Variants in TRPC4 observed in about 807,000 individuals in gnomAD.
TRPC4 encodes the protein short transient receptor potential channel 4.
Under a neutral mutation model 99.4 loss-of-function variants are expected in TRPC4, and 49 were observed. The observed-to-expected ratio is 0.49, with a 90% CI of 0.39 to 0.63. TRPC4 has a LOEUF of 0.63. TRPC4 is among the 20% of genes least tolerant of loss of function. TRPC4 has a pLI of 0.00. For synonymous variants in TRPC4, 454 were observed against 425.9 expected, an observed-to-expected ratio of 1.07 and a Z score of -0.81; for missense variants, 898 against 1,152.9, an observed-to-expected ratio of 0.78 and a Z score of 3.20.
At chr13:37,773,370 C>A (rs1341314994) in intron 2 of TRPC4, among the ~76,000 whole-genome samples, 1 of 151,768 alleles carries the variant, frequency 6.6e-6, no homozygotes, top group Non-Finnish European at 1.5e-5. Flanking sequence ...AGGAATCTAC[C>A]AAATAAATGT....
Position 37,862,195 on chromosome 13 carries a change from G to A in TRPC4, c.-28+7400C>T, listed in dbSNP as rs967424407. Among the ~76,000 whole-genome samples, 6 of 151,326 alleles carry A rather than the reference G, an allele frequency of 4.0e-5. No individual in the cohort carries two copies. In the East Asian group the frequency reaches 5.8e-4, roughly 15 times the overall value. On this transcript the variant is annotated intron_variant, in intron 1 of 10. Transcript: ENST00000379705. ...CTACTGTCTCTAGAGAAAGGGGTAG[G>A]GTGGTGAGAATCCAGGTCATTATAT...
At chr13:37,774,541 G>A (rs1160534737) in intron 2 of TRPC4, among the ~76,000 whole-genome samples, 1 of 151,638 alleles carries the variant, frequency 6.6e-6, no homozygotes, top group Admixed American at 6.6e-5. Context: ...TACAAGTGGA[G>A]ATAATTACAT....
At chr13:37,756,309 T>C (rs1435908019) in intron 2 of TRPC4, among the ~76,000 whole-genome samples, 1 of 152,106 alleles carries the variant, frequency 6.6e-6, no homozygotes, top group Non-Finnish European at 1.5e-5. Context: ...TACAATCTTA[T>C]CTAAACAAAC....
chr13:37,828,345 C>A (rs543754184), intron 1 of TRPC4, among the ~76,000 whole-genome samples: 2 of 152,110 alleles, frequency 1.3e-5, no homozygotes, highest in Admixed American at 6.5e-5. Context: ...CAGATGCTGG[C>A]GAGGTTGTGG....
At chr13:37,701,540 C>T (rs933899714) in intron 3 of TRPC4, among the ~76,000 whole-genome samples, 5 of 152,078 alleles carry the variant, frequency 3.3e-5, no homozygotes, top group East Asian at 1.9e-4. Context: ...ACTTGCCACA[C>T]GTGCAAGTGT....
intron 3 of TRPC4, among the ~76,000 whole-genome samples, chr13:37,720,990 A>T (rs567249305): frequency 9.8e-5 from 15 of 152,334 alleles, no homozygotes; most frequent in Middle Eastern, 3.4e-3. Flanking sequence ...TACTTGGAAG[A>T]ATTTGAAGAA....
At chr13:37,779,723 C>G (rs1333374) in intron 2 of TRPC4, among the ~76,000 whole-genome samples, 78,987 of 151,738 alleles carry the variant, frequency 0.52, 21,087 homozygotes, top group East Asian at 0.78. Context: ...TCCAACATTT[C>G]TAACTAACTC....
intron 1 of TRPC4, among the ~76,000 whole-genome samples, chr13:37,840,840 C>T (rs1824080189): frequency 6.6e-6 from 1 of 151,980 alleles, no homozygotes; most frequent in African/African-American, 2.4e-5. Flanking sequence ...AATTTTATTA[C>T]ACTAAAATAA....
chr13:37,693,173 T>G (rs1213503620), intron 3 of TRPC4, among the ~76,000 whole-genome samples: 1 of 152,212 alleles, frequency 6.6e-6, no homozygotes, highest in Non-Finnish European at 1.5e-5. Flanking sequence ...TCAGATTTTT[T>G]TTCTCAACCT....
chr13:37,779,505 A>C (rs1002431063), intron 2 of TRPC4, among the ~76,000 whole-genome samples: 1 of 151,938 alleles, frequency 6.6e-6, no homozygotes, highest in African/African-American at 2.4e-5. Flanking sequence ...AATGATCTAT[A>C]CCCATCTATT....
intron 1 of TRPC4, among the ~76,000 whole-genome samples, chr13:37,848,698 G>A (rs9548078): frequency 0.18 from 28,046 of 151,986 alleles, 2,698 homozygotes; most frequent in Middle Eastern, 0.2. Flanking sequence ...TTATTATCAA[G>A]AACAACTTCA....
intron 3 of TRPC4, among the ~76,000 whole-genome samples, chr13:37,735,010 C>A (rs571818019): frequency 1.2e-4 from 19 of 152,206 alleles, no homozygotes; most frequent in African/African-American, 3.4e-4. Flanking sequence ...ATCGCTTTCC[C>A]TGTTCTATGC....
intron 1 of TRPC4, among the ~76,000 whole-genome samples, chr13:37,802,098 C>T (rs1169860622): frequency 6.6e-6 from 1 of 152,122 alleles, no homozygotes; most frequent in Non-Finnish European, 1.5e-5. Context: ...AATACTTTCA[C>T]TGTTTTCTTT....
chr13:37,782,834 GAAGCTTATATTTCTT>G, intron 2 of TRPC4, 107 bp downstream of exon 2: 1 of 981,082 alleles, frequency 1.0e-6, no homozygotes, highest in African/African-American at 1.7e-5. Flanking sequence ...TTCAGATTTT[GAAGCTTATATTTCTT>G]AAATTTTCAG....
chr13:37,852,439 G>A (rs1429242706), intron 1 of TRPC4, among the ~76,000 whole-genome samples: 2 of 152,152 alleles, frequency 1.3e-5, no homozygotes, highest in African/African-American at 4.8e-5. Flanking sequence ...TGTCTAAAGA[G>A]CTCTTGGGCA....
At chr13:37,749,551 G>T (rs970710541) in intron 2 of TRPC4, among the ~76,000 whole-genome samples, 1 of 151,972 alleles carries the variant, frequency 6.6e-6, no homozygotes, top group African/African-American at 2.4e-5. Flanking sequence ...GACAGGTTTG[G>T]GTCCTCTCCG....
chr13:37,770,111 AT>A (rs1296228332), intron 2 of TRPC4, among the ~76,000 whole-genome samples: 1 of 151,412 alleles, frequency 6.6e-6, no homozygotes, highest in African/African-American at 2.4e-5. Flanking sequence ...TTTTATTTAT[AT>A]TTTTTCCTGT....
chr13:37,710,136 A>G (rs1372200126), intron 3 of TRPC4, among the ~76,000 whole-genome samples: 1 of 152,010 alleles, frequency 6.6e-6, no homozygotes, highest in Non-Finnish European at 1.5e-5. Context: ...AATAAACATG[A>G]TCATGAAATA....
chr13:37,664,944 A>G (rs1033056290), intron 5 of TRPC4, among the ~76,000 whole-genome samples: 1 of 152,224 alleles, frequency 6.6e-6, no homozygotes, highest in Non-Finnish European at 1.5e-5. Flanking sequence ...GTGTAAAACA[A>G]TCAAGTTTGA....
Sources: gnomAD v4.1 joint callset for allele counts (sites outside exome capture counted in the v4.1 genomes callset) on GRCh38, gnomAD v4.1.1 for gene constraint, MANE v1.5 for transcripts, NCBI Gene and HGNC (gene_info 2026-07-23, HGNC 2026-07-21) for gene names.